Variants in CERS3 observed in about 807,000 individuals in gnomAD.
The protein encoded by CERS3 is LAG1 homolog, ceramide synthase 3.
Under a neutral mutation model 50.3 loss-of-function variants are expected in CERS3, and 33 were observed. The observed-to-expected ratio is 0.66, with a 90% CI of 0.50 to 0.88. The LOEUF (loss-of-function observed/expected upper bound fraction) is 0.88, where lower values mean the gene tolerates loss of function less well. Ranked by LOEUF, CERS3 falls within the 40% of genes least tolerant of loss-of-function variation. The probability of loss-of-function intolerance (pLI) is 0.00; values close to 1 mark genes in which losing one functional copy is unlikely to be tolerated. For synonymous variants in CERS3, 176 were observed against 155.2 expected (o/e 1.13, Z -0.99); for missense variants, 470 against 460.3 (o/e 1.02, Z -0.19).
intron 1 of CERS3, among the ~76,000 whole-genome samples, chr15:100,527,434 G>A (rs1475670084): frequency 6.6e-6 from 1 of 152,216 alleles, no homozygotes; most frequent in Non-Finnish European, 1.5e-5. Flanking sequence ...GCAGAAGCAG[G>A]TGATAGATTG....
At chr15:100,530,066 G>A (rs2036901398), upstream of CERS3, among the ~76,000 whole-genome samples, 1 of 152,166 alleles carries the variant, frequency 6.6e-6, no homozygotes, top group Admixed American at 6.5e-5. Flanking sequence ...TCTCTTCGAA[G>A]ACGTTCTGTT....
chr15:100,401,964 C>T lies in CERS3; in HGVS notation c.*749G>A, dbSNP rs902651870. ...AATAGTTAGCAAATAAAATGGAACA[C>T]CTTTCTTGGCACTTTCATTTCCAGG... On this transcript the variant is annotated 3_prime_UTR_variant, in exon 12 of 12. Transcript: ENST00000679737. 6.6e-6 allele frequency: 1 copy of T among 152,240 alleles called. No homozygotes were observed. Among genetic ancestry groups the T allele is most frequent in the Non-Finnish European group, 1.5e-5 (1 of 68,072 alleles). The allele number at this position is 152,240 out of a possible 1,614,324, so 9.4% of individuals were successfully genotyped here.
intron 10 of CERS3, among the ~76,000 whole-genome samples, chr15:100,457,254 C>T (rs2034404059): frequency 6.6e-6 from 1 of 152,022 alleles, no homozygotes; most frequent in Admixed American, 6.6e-5. Context: ...TTTAATATGT[C>T]TATAGGTTTA....
At chr15:100,517,746 C>T (rs1047823416) in intron 2 of CERS3, among the ~76,000 whole-genome samples, 2 of 151,996 alleles carry the variant, frequency 1.3e-5, no homozygotes, top group African/African-American at 4.8e-5. Context: ...GATAAAGCAC[C>T]CCTTGGAAAA....
At chr15:100,504,176 C>T (rs1233088150) in intron 2 of CERS3, among the ~76,000 whole-genome samples, 1 of 151,852 alleles carries the variant, frequency 6.6e-6, no homozygotes, top group African/African-American at 2.4e-5. Flanking sequence ...AGTGCTAACC[C>T]AGTCGCCTCC....
At chr15:100,423,411 A>G (rs1402180020) in intron 11 of CERS3, among the ~76,000 whole-genome samples, 2 of 152,242 alleles carry the variant, frequency 1.3e-5, no homozygotes, top group Non-Finnish European at 2.9e-5. Flanking sequence ...AATGTGGTAC[A>G]TATACACTGT....
intron 11 of CERS3, among the ~76,000 whole-genome samples, chr15:100,447,150 T>A (rs1414305834): frequency 6.6e-6 from 1 of 152,196 alleles, no homozygotes; most frequent in Non-Finnish European, 1.5e-5. Flanking sequence ...GAATTAACAG[T>A]CTGGCACCTT....
intron 1 of CERS3, among the ~76,000 whole-genome samples, chr15:100,540,683 T>C (rs2037181183): frequency 6.6e-6 from 1 of 152,178 alleles, no homozygotes; most frequent in African/African-American, 2.4e-5. Flanking sequence ...TTGATCAGAG[T>C]TGCGTGTGGC....
At chr15:100,509,029 T>G (rs1216362899) in intron 2 of CERS3, among the ~76,000 whole-genome samples, 1 of 152,236 alleles carries the variant, frequency 6.6e-6, no homozygotes, top group Non-Finnish European at 1.5e-5. Context: ...ATGAGGCATC[T>G]CAGCCCCAGC....
intron 11 of CERS3, among the ~76,000 whole-genome samples, chr15:100,425,529 TG>T (rs1384570208): frequency 6.6e-6 from 1 of 152,220 alleles, no homozygotes; most frequent in Non-Finnish European, 1.5e-5. Flanking sequence ...CACTTTGTTT[TG>T]GCTGATTTGT....
intron 11 of CERS3, 44 bp downstream of exon 11, chr15:100,455,849 C>G: frequency 7.2e-7 from 1 of 1,379,864 alleles, no homozygotes; most frequent in Non-Finnish European, 9.9e-7. Context: ...TCACCATTAA[C>G]CTGGCAATGA....
chr15:100,448,091 A>G (rs139327334), intron 11 of CERS3, among the ~76,000 whole-genome samples: 111 of 152,334 alleles, frequency 7.3e-4, no homozygotes, highest in African/African-American at 2.4e-3. Flanking sequence ...GATATTCAAT[A>G]AAAATAAACA....
At chr15:100,536,916 G>A (rs34734667) in intron 1 of CERS3, among the ~76,000 whole-genome samples, 2,271 of 152,304 alleles carry the variant, frequency 0.015, 30 homozygotes, top group Middle Eastern at 0.031. Flanking sequence ...GGACAATGAG[G>A]AAACAAAATG....
At chr15:100,465,746 C>A (rs1435973167) in intron 10 of CERS3, among the ~76,000 whole-genome samples, 2 of 151,812 alleles carry the variant, frequency 1.3e-5, no homozygotes, top group East Asian at 1.9e-4. Context: ...GCAACCTCCA[C>A]TTCCCAGTTT....
chr15:100,521,779 A>G lies in CERS3; in HGVS notation c.-91-23T>C, dbSNP rs188888996. ...TCCCTAAAGAAGCAGAAAAAGAGAAACATAATTAATATATTACACAACTGT... is the reference window on the plus strand; with the variant it reads ...TCCCTAAAGAAGCAGAAAAAGAGAAGCATAATTAATATATTACACAACTGT... On this transcript the variant is annotated intron_variant, in intron 1 of 11. Transcript: ENST00000679737. 39 of 152,342 alleles carry G rather than the reference A, an allele frequency of 2.6e-4. 1 individual carries two copies. Among genetic ancestry groups the G allele is most frequent in the African/African-American group, 9.4e-4 (39 of 41,576 alleles). 9.4% of individuals were successfully genotyped at this position (152,342 alleles called of 1,614,324 possible).
intron 11 of CERS3, among the ~76,000 whole-genome samples, chr15:100,441,832 T>C (rs1456708542): frequency 1.3e-5 from 2 of 151,624 alleles, no homozygotes; most frequent in African/African-American, 4.8e-5. Flanking sequence ...GTGCAACTCA[T>C]CCCAAATCTT....
At chr15:100,415,250 G>A (rs532488780) in intron 11 of CERS3, among the ~76,000 whole-genome samples, 2 of 152,220 alleles carry the variant, frequency 1.3e-5, no homozygotes, top group East Asian at 3.9e-4. Flanking sequence ...TCAGAATGGG[G>A]ATTATTAAAA....
intron 11 of CERS3, among the ~76,000 whole-genome samples, chr15:100,442,522 A>G (rs1040262989): frequency 2.6e-5 from 4 of 152,230 alleles, no homozygotes; most frequent in African/African-American, 9.6e-5. Flanking sequence ...TGCAGCGGCC[A>G]GGCATTCCTC....
intron 11 of CERS3, among the ~76,000 whole-genome samples, chr15:100,453,590 C>A (rs1444853672): frequency 2.0e-5 from 3 of 152,102 alleles, no homozygotes; most frequent in Non-Finnish European, 2.9e-5. Flanking sequence ...AAAACTAGAA[C>A]AAGACAAAGA....
Sources: gnomAD v4.1 joint callset for allele counts (sites outside exome capture counted in the v4.1 genomes callset) on GRCh38, gnomAD v4.1.1 for gene constraint, MANE v1.5 for transcripts, NCBI Gene and HGNC (gene_info 2026-07-23, HGNC 2026-07-21) for gene names.